Variants in SPATS2L observed in about 807,000 individuals in gnomAD.
SPATS2L encodes the protein spermatogenesis associated serine rich 2 like, also known as SPATS2-like protein.
Under a neutral mutation model 59.6 loss-of-function variants are expected in SPATS2L, and 30 were observed. That is an observed-to-expected ratio of 0.50 (90% CI 0.38 to 0.68). SPATS2L has a LOEUF of 0.68. Among genes scored for constraint, SPATS2L ranks in the 30% least tolerant of loss-of-function variants. The pLI, the probability that SPATS2L is intolerant of heterozygous loss-of-function variation, is 0.00. For synonymous variants in SPATS2L, 252 were observed against 263.5 expected, an observed-to-expected ratio of 0.96 and a Z score of 0.42; for missense variants, 615 against 700.0, an observed-to-expected ratio of 0.88 and a Z score of 1.37.
intron 2 of SPATS2L, among the ~76,000 whole-genome samples, chr2:200,339,328 C>T (rs2080246329): frequency 6.6e-6 from 1 of 151,960 alleles, no homozygotes; most frequent in Non-Finnish European, 1.5e-5. Context: ...AGCATGCTTC[C>T]TGTTTATGCT....
intron 6 of SPATS2L, among the ~76,000 whole-genome samples, chr2:200,424,323 TA>T (rs11311467): frequency 0.5 from 75,347 of 149,676 alleles, 19,208 homozygotes; most frequent in Non-Finnish European, 0.55. Context: ...CTTATCTCTT[TA>T]AAAAAAAAAG....
intron 6 of SPATS2L, among the ~76,000 whole-genome samples, chr2:200,433,674 C>T (rs949123912): frequency 6.6e-6 from 1 of 152,114 alleles, no homozygotes; most frequent in Non-Finnish European, 1.5e-5. Context: ...TATTTAAAAG[C>T]TAACAGGATG....
chr2:200,426,982 A>G (rs1050084711), intron 6 of SPATS2L, among the ~76,000 whole-genome samples: 6 of 152,052 alleles, frequency 3.9e-5, no homozygotes, highest in Non-Finnish European at 7.4e-5. Flanking sequence ...AAAACCCCTC[A>G]GGTATTTTTC....
chr2:200,396,863 T>A (rs2082371964), intron 3 of SPATS2L, among the ~76,000 whole-genome samples: 2 of 152,188 alleles, frequency 1.3e-5, no homozygotes, highest in Admixed American at 1.3e-4. Context: ...CAGGTTCTTG[T>A]CATCATTTTC....
intron 2 of SPATS2L, among the ~76,000 whole-genome samples, chr2:200,358,890 A>G (rs994798777): frequency 6.6e-6 from 1 of 152,014 alleles, no homozygotes; most frequent in African/African-American, 2.4e-5. Context: ...CGAGAGGCTG[A>G]AGGGGAGGAT....
At chr2:200,388,613 C>G (rs1574356751) in intron 2 of SPATS2L, among the ~76,000 whole-genome samples, 2 of 104 alleles carry the variant, frequency 0.019, no homozygotes, top group Admixed American at 0.1. Flanking sequence ...TTTTGAGATG[C>G]CCCCCCCCCA....
At chr2:200,354,935 G>T (rs952604457) in intron 2 of SPATS2L, among the ~76,000 whole-genome samples, 3 of 152,076 alleles carry the variant, frequency 2.0e-5, no homozygotes, top group Admixed American at 2.0e-4. Flanking sequence ...CCAGGGTTGT[G>T]TTTCGTAGCT....
At chr2:200,400,008 C>T (rs2082475164) in intron 3 of SPATS2L, among the ~76,000 whole-genome samples, 2 of 152,058 alleles carry the variant, frequency 1.3e-5, no homozygotes, top group African/African-American at 4.8e-5. Flanking sequence ...TACCATTTCC[C>T]CCCTCCAAGT....
chr2:200,398,523 C>A (rs2082423682), intron 3 of SPATS2L, among the ~76,000 whole-genome samples: 1 of 152,102 alleles, frequency 6.6e-6, no homozygotes, highest in South Asian at 2.1e-4. Context: ...TAATCTTATT[C>A]TCCATTAAAA....
intron 6 of SPATS2L, among the ~76,000 whole-genome samples, chr2:200,423,808 A>G (rs1451045428): frequency 1.3e-5 from 2 of 152,242 alleles, no homozygotes; most frequent in Non-Finnish European, 2.9e-5. Flanking sequence ...GGCTGTGAAC[A>G]TGTGGGATGC....
rs1213566085 is a variant in SPATS2L, at chr2:200,330,119, G to A, written c.-23+639G>A. Among the ~76,000 whole-genome samples, 31 of 80,874 alleles carry A rather than the reference G, an allele frequency of 3.8e-4. 2 individuals are homozygous for A. In the Admixed American group the frequency reaches 4.7e-3, roughly 12 times the overall value. 53.1% of individuals were successfully genotyped at this position (80,874 alleles called of 152,430 possible). A position where few individuals can be genotyped will look rare whatever the true frequency, so the allele number is the denominator to read the frequency against. On this transcript the variant is annotated intron_variant, in intron 2 of 12. Coordinates refer to ENST00000409140, the MANE Select transcript of SPATS2L (RefSeq NM_001100423.2). Reference sequence around the variant, plus strand: ...TTGGTTTCCTCTTCTTTAAGATGGGGTAATTATACCCATCTTGCAGAATTG... The same window carrying A: ...TTGGTTTCCTCTTCTTTAAGATGGGATAATTATACCCATCTTGCAGAATTG...
At chr2:200,450,931 A>G (rs2085393619) in intron 8 of SPATS2L, among the ~76,000 whole-genome samples, 1 of 152,170 alleles carries the variant, frequency 6.6e-6, no homozygotes, top group Non-Finnish European at 1.5e-5. Flanking sequence ...AATTTGCCAG[A>G]TGGAGAAGGA....
At chr2:200,341,970 G>A (rs948691770) in intron 2 of SPATS2L, among the ~76,000 whole-genome samples, 6 of 152,142 alleles carry the variant, frequency 3.9e-5, no homozygotes, top group Non-Finnish European at 7.4e-5. Context: ...TTACAGGCGT[G>A]AGCCACCGCG....
chr2:200,308,731 A>G (rs187949130), intron 1 of SPATS2L, among the ~76,000 whole-genome samples: 1 of 152,352 alleles, frequency 6.6e-6, no homozygotes, highest in East Asian at 1.9e-4. Context: ...GACGTTAGTA[A>G]AAACTGAACA....
chr2:200,309,479 C>T (rs141720103), intron 1 of SPATS2L, among the ~76,000 whole-genome samples: 10 of 152,306 alleles, frequency 6.6e-5, no homozygotes, highest in Admixed American at 6.5e-4. Context: ...TTCTGTAGCA[C>T]TTTTACTGTC....
At chr2:200,437,009 C>T (rs938308536) in intron 6 of SPATS2L, among the ~76,000 whole-genome samples, 3 of 152,150 alleles carry the variant, frequency 2.0e-5, no homozygotes, top group Non-Finnish European at 4.4e-5. Context: ...CTCTCTTGCT[C>T]CCATTCTCAC....
At chr2:200,319,629 G>A (rs548944396) in intron 1 of SPATS2L, among the ~76,000 whole-genome samples, 1 of 146,300 alleles carries the variant, frequency 6.8e-6, no homozygotes, top group East Asian at 2.1e-4. Flanking sequence ...TGAGTATTCT[G>A]AACAGTAGAA....
At chr2:200,393,308 C>T (rs1371833594) in intron 3 of SPATS2L, 2 of 456,618 alleles carry the variant, frequency 4.4e-6, no homozygotes. Context: ...GTGTCTTATT[C>T]AAAACAGAGG....
intron 3 of SPATS2L, among the ~76,000 whole-genome samples, chr2:200,396,886 G>A (rs2082372558): frequency 6.6e-6 from 1 of 152,144 alleles, no homozygotes; most frequent in African/African-American, 2.4e-5. Flanking sequence ...ATAGGAAAGG[G>A]TCATTAAATT....
Sources: allele counts gnomAD v4.1 joint callset (sites outside exome capture counted in the v4.1 genomes callset), GRCh38; gene constraint gnomAD v4.1.1; transcripts MANE v1.5; gene names NCBI Gene and HGNC (gene_info 2026-07-23, HGNC 2026-07-21).